The following TIMM17A variants were observed in gnomAD, a reference collection of about 807,000 sequenced individuals.
TIMM17A encodes the protein mitochondrial import inner membrane translocase subunit Tim17-A.
Under a neutral mutation model 26.5 loss-of-function variants are expected in TIMM17A, and 15 were observed. That is an observed-to-expected ratio of 0.57 (90% CI 0.38 to 0.87). The LOEUF (loss-of-function observed/expected upper bound fraction) is 0.87. TIMM17A is among the 40% of genes least tolerant of loss of function. The pLI, the probability that TIMM17A is intolerant of heterozygous loss-of-function variation, is 0.00. For missense variants in TIMM17A, 201 were observed against 210.0 expected (o/e 0.96, Z 0.27); for synonymous variants, 80 against 70.8 (o/e 1.13, Z -0.66).
chr1:201,955,590 C>T (rs557227725), intron 1 of TIMM17A, 38 bp downstream of exon 1: 3 of 1,614,036 alleles, frequency 1.9e-6, no homozygotes, highest in African/African-American at 1.3e-5. Flanking sequence ...CTCTTGCCCC[C>T]CTGCCCACTG....
intron 5 of TIMM17A, among the ~76,000 whole-genome samples, chr1:201,966,991 T>TGTGTGTGTGTG (rs1491350132): frequency 8.3e-5 from 11 of 133,098 alleles, no homozygotes; most frequent in African/African-American, 3.1e-4. Flanking sequence ...ATTATATATG[T>TGTGTGTGTGTG]TGTGTGTGTG....
rs1682612622 is a variant in TIMM17A at position 201,965,554 on chromosome 1, T to G, written c.430+11T>G. ...CACAGTTTCCCAATGGTGAGTCTTT[T>G]TGCTTAAAACTATAGCTCAAACATT... On this transcript the variant is annotated intron_variant, in intron 5 of 5. Coordinates refer to ENST00000367287, the MANE Select transcript of TIMM17A (RefSeq NM_006335.3). 1 of 1,545,272 alleles carries G rather than the reference T, an allele frequency of 6.5e-7. No individual in the cohort carries two copies.
In TIMM17A at chr1:201,957,373, C is replaced by T. The variant is rs1281138061; in HGVS notation, c.119C>T (p.Ser40Phe). 1.2e-6 allele frequency: 2 copies of T among 1,612,860 alleles called. No homozygotes were observed. The highest frequency in any genetic ancestry group is 1.7e-5 in the Admixed American group (1 of 59,976). The stretch of plus-strand genomic sequence containing the variant: ...CAAGCAATCAAAGGTTTTCGCAATT[C>T]TCCAGTGGTAAGTGGGTGAATGGTC... The part of the protein sequence containing the change: ...IFQAIKGFRN[S>F]PVGVNHRLRG... The change falls in exon 2 of 6, where the codon TCT (serine) becomes TTT (phenylalanine). Residue 40 changes from serine to phenylalanine, a missense_variant. Ser to Phe is a radical substitution (Grantham distance 155). Coordinates refer to ENST00000367287, the MANE Select transcript of TIMM17A (RefSeq NM_006335.3).
rs547891536 is a variant in TIMM17A, at chr1:201,956,020, A to T, written c.26+468A>T. 1.6e-4 allele frequency among the ~76,000 whole-genome samples: 25 copies of T among 152,328 alleles called. No individual in the cohort carries two copies. The South Asian group carries it at 5.0e-3, about 30-fold the overall frequency. On this transcript the variant is annotated intron_variant, in intron 1 of 5. Transcript: ENST00000367287. Reference sequence around the variant, plus strand: ...CTTGTATCATGATATGTGTCCACAGAGTGAAGCATTTTAAATGAATGGAAC... The same window carrying T: ...CTTGTATCATGATATGTGTCCACAGTGTGAAGCATTTTAAATGAATGGAAC...
At chr1:201,966,991 T>TGTGTG (rs1491350132) in intron 5 of TIMM17A, among the ~76,000 whole-genome samples, 13 of 133,098 alleles carry the variant, frequency 9.8e-5, no homozygotes, top group African/African-American at 3.3e-4. Context: ...ATTATATATG[T>TGTGTG]TGTGTGTGTG....
intron 5 of TIMM17A, among the ~76,000 whole-genome samples, chr1:201,966,418 A>C (rs1012754837): frequency 6.6e-6 from 1 of 152,146 alleles, no homozygotes; most frequent in Non-Finnish European, 1.5e-5. Flanking sequence ...AGTTCCAGCT[A>C]CTCAGGAGGC....
chr1:201,963,650 G>A lies in TIMM17A; in HGVS notation c.225G>A (p.Met75Ile). Residue 75 changes from methionine to isoleucine, a missense_variant, in exon 4 of 6, where the codon ATG (methionine) becomes ATA (isoleucine). Coordinates refer to ENST00000367287, the MANE Select transcript of TIMM17A (RefSeq NM_006335.3). ...SFAVWGGLFS[M>I]IDCSMVQVRG... ...CAGTTTGGGGAGGGCTGTTTTCCATGATTGACTGTAGTATGGTTCAAGTCA... is the reference window on the plus strand; with the variant it reads ...CAGTTTGGGGAGGGCTGTTTTCCATAATTGACTGTAGTATGGTTCAAGTCA... The A allele has an allele frequency of 1.2e-6, 2 of 1,608,256 alleles. No homozygotes were observed. The highest frequency in any genetic ancestry group is 1.7e-6 in the Non-Finnish European group (2 of 1,178,574).
At position 201,965,520 on chromosome 1, in the gene TIMM17A, T is replaced by A; in HGVS notation, c.407T>A (p.Phe136Tyr). Residue 136 changes from phenylalanine to tyrosine, a missense_variant, in exon 5 of 6, where the codon TTT becomes TAT. Physicochemically the swap from Phe to Tyr is conservative, Grantham distance 22 (BLOSUM62 3). Transcript: ENST00000367287. ...IEGAGILLTR[F>Y]ASAQFPNGPQ... ...GGAGCTGGTATCTTGTTGACAAGAT[T>A]TGCCTCTGCACAGTTTCCCAATGGT... 3 of 1,613,272 alleles carry A rather than the reference T, an allele frequency of 1.9e-6. No homozygotes were observed. Among genetic ancestry groups the A allele is most frequent in the Non-Finnish European group, 2.5e-6 (3 of 1,179,164 alleles).
chr1:201,967,487 T>C (rs1344224962), intron 5 of TIMM17A, among the ~76,000 whole-genome samples: 1 of 147,234 alleles, frequency 6.8e-6, no homozygotes, highest in Non-Finnish European at 1.5e-5. Context: ...GTACTTTGTT[T>C]TAGGCTTTTT....
chr1:201,957,743 A>C, intron 3 of TIMM17A, 169 bp downstream of exon 3: 1 of 572,420 alleles, frequency 1.7e-6, no homozygotes, highest in South Asian at 2.7e-5. Flanking sequence ...TTGAAAAATT[A>C]ACCTGAATTA....
chr1:201,964,940 G>A (rs185418706), intron 4 of TIMM17A, among the ~76,000 whole-genome samples: 5 of 148,002 alleles, frequency 3.4e-5, no homozygotes, highest in Non-Finnish European at 5.9e-5. Context: ...GAGCCACTGC[G>A]CCCGGCCCTA....
intron 3 of TIMM17A, among the ~76,000 whole-genome samples, chr1:201,960,046 G>C: frequency 6.6e-6 from 1 of 151,680 alleles, no homozygotes; most frequent in Admixed American, 6.6e-5. Context: ...TGGTACTGTG[G>C]AACAGAAAAA....
At chr1:201,960,488 C>T (rs1304995812) in intron 3 of TIMM17A, among the ~76,000 whole-genome samples, 1 of 151,940 alleles carries the variant, frequency 6.6e-6, no homozygotes, top group Non-Finnish European at 1.5e-5. Context: ...TAGGGAAAAA[C>T]TGGAAGAGTT....
chr1:201,969,377 T>G, intron 5 of TIMM17A, 92 bp from the exon 6 acceptor site: 1 of 992,574 alleles, frequency 1.0e-6, no homozygotes, highest in Non-Finnish European at 1.5e-6. Context: ...CATTTTTTTG[T>G]TGTTGATTGA....
At chr1:201,957,467 G>A (rs756398378) in intron 2 of TIMM17A, 44 bp from the exon 3 acceptor site, 2 of 1,595,278 alleles carry the variant, frequency 1.3e-6, no homozygotes, top group Non-Finnish European at 1.7e-6. Context: ...GCTTAGAAAT[G>A]TACTTCTAAT....
chr1:201,960,543 G>A (rs1682506051), intron 3 of TIMM17A, among the ~76,000 whole-genome samples: 1 of 152,292 alleles, frequency 6.6e-6, no homozygotes, highest in South Asian at 2.1e-4. Context: ...AGAGTGAGTG[G>A]TGATATGAGT....
At chr1:201,955,621 G>A in intron 1 of TIMM17A, 69 bp downstream of exon 1, 2 of 1,606,288 alleles carry the variant, frequency 1.2e-6, no homozygotes, top group African/African-American at 1.3e-5. Context: ...CCCTTGTCCA[G>A]GCTCCCAAGG....
chr1:201,964,638 T>C (rs1682592689), intron 4 of TIMM17A, among the ~76,000 whole-genome samples: 1 of 9,408 alleles, frequency 1.1e-4, no homozygotes, highest in Admixed American at 1.4e-3. Flanking sequence ...TTTATTTCTT[T>C]TTTTTTTTTT....
At chr1:201,966,889 T>C (rs1682636792) in intron 5 of TIMM17A, among the ~76,000 whole-genome samples, 1 of 147,868 alleles carries the variant, frequency 6.8e-6, no homozygotes. Context: ...ATATGCTATA[T>C]ATGTTATATA....
Sources: allele counts gnomAD v4.1 joint callset (sites outside exome capture counted in the v4.1 genomes callset), GRCh38; gene constraint gnomAD v4.1.1; transcripts MANE v1.5; gene names NCBI Gene and HGNC (gene_info 2026-07-23, HGNC 2026-07-21).